Variants in CPPED1 observed in about 807,000 individuals in gnomAD.
CPPED1 encodes calcineurin like phosphoesterase domain containing 1, also known as serine/threonine-protein phosphatase CPPED1.
Under a neutral mutation model 28.0 loss-of-function variants are expected in CPPED1, and 28 were observed. That is an observed-to-expected ratio of 1.00 (90% CI 0.74 to 1.37). CPPED1 has a LOEUF of 1.37. Ranked by LOEUF, CPPED1 falls within the 40% of genes most tolerant of loss-of-function variation. The probability of loss-of-function intolerance (pLI) is 0.00; values close to 1 mark genes in which losing one functional copy is unlikely to be tolerated. For missense variants in CPPED1, 504 were observed against 416.5 expected (o/e 1.21, Z -1.83); for synonymous variants, 198 against 180.2 (o/e 1.10, Z -0.79).
At chr16:12,714,435 C>T (rs2080096519) in intron 2 of CPPED1, among the ~76,000 whole-genome samples, 1 of 152,230 alleles carries the variant, frequency 6.6e-6, no homozygotes, top group South Asian at 2.1e-4. Context: ...AATGTTTCCA[C>T]ATCCTCAACA....
chr16:12,753,940 A>C (rs1003226617), intron 2 of CPPED1: 5 of 152,160 alleles, frequency 3.3e-5, no homozygotes, highest in African/African-American at 1.2e-4. Flanking sequence ...CTGGGTAATG[A>C]ATGGCAGCTC....
rs1481714653 is a variant in CPPED1 at position 12,704,899 on chromosome 16, C to T, written c.440G>A (p.Gly147Glu). 6.2e-7 allele frequency: 1 copy of T among 1,614,170 alleles called. No individual in the cohort carries two copies. Among genetic ancestry groups the T allele is most frequent in the Admixed American group, 1.7e-5 (1 of 60,020 alleles). ...ETVEEFCRTW[G>E]DDYFSFWVGG... ...GACCCAGAAGCTGAAGTAGTCATCT[C>T]CCCAAGTCCGGCAGAACTCCTCGAC... The change falls in exon 3 of 4, where the codon GGA becomes GAA. Residue 147 changes from glycine (G) to glutamate (E), a missense_variant. Transcript: ENST00000381774.
chr16:12,702,863 C>T (rs117812223), intron 3 of CPPED1, among the ~76,000 whole-genome samples: 5,057 of 151,824 alleles, frequency 0.033, 127 homozygotes, highest in East Asian at 0.1. Context: ...AATACAAAAA[C>T]TAGCTGGACA....
At chr16:12,719,107 G>C (rs1360045483) in intron 2 of CPPED1, among the ~76,000 whole-genome samples, 1 of 152,034 alleles carries the variant, frequency 6.6e-6, no homozygotes, top group Non-Finnish European at 1.5e-5. Context: ...AAAACCATCA[G>C]ATCTCCTGAG....
At chr16:12,705,177 G>T (rs1205159837) in intron 2 of CPPED1, 128 bp from the exon 3 acceptor site, 2 of 1,024,472 alleles carry the variant, frequency 2.0e-6, no homozygotes, top group African/African-American at 3.2e-5. Context: ...CTAGCACATG[G>T]AAACTGCAAA....
chr16:12,783,860 T>A (rs2141240457), intron 1 of CPPED1, among the ~76,000 whole-genome samples: 1 of 152,330 alleles, frequency 6.6e-6, no homozygotes, highest in African/African-American at 2.4e-5. Context: ...AAAGGCTGCA[T>A]GAAACCCTGG....
chr16:12,780,418 C>T (rs1297169497), intron 2 of CPPED1, among the ~76,000 whole-genome samples: 2 of 152,164 alleles, frequency 1.3e-5, no homozygotes, highest in East Asian at 1.9e-4. Context: ...TCAAGTGATC[C>T]GCCCACCTCA....
intron 3 of CPPED1, among the ~76,000 whole-genome samples, chr16:12,676,091 C>G (rs1009891134): frequency 1.6e-4 from 24 of 152,206 alleles, no homozygotes; most frequent in Non-Finnish European, 7.3e-5. Context: ...TTGGGGAATT[C>G]TAGATTCCAG....
At chr16:12,735,593 C>T (rs995148932) in intron 2 of CPPED1, among the ~76,000 whole-genome samples, 7 of 152,184 alleles carry the variant, frequency 4.6e-5, no homozygotes, top group South Asian at 2.1e-4. Flanking sequence ...CACGAGCCAC[C>T]GTGCCTGGCA....
intron 2 of CPPED1, among the ~76,000 whole-genome samples, chr16:12,779,853 C>G (rs1596482401): frequency 6.6e-6 from 1 of 152,136 alleles, no homozygotes. Context: ...TAGCCCCAGA[C>G]AGACACCCAC....
At chr16:12,755,337 A>G (rs1162153424) in intron 2 of CPPED1, among the ~76,000 whole-genome samples, 1 of 140,456 alleles carries the variant, frequency 7.1e-6, no homozygotes, top group Non-Finnish European at 1.5e-5. Context: ...GCTGCAGTTC[A>G]GTGGCACGAT....
chr16:12,701,529 T>C (rs1488459689), intron 3 of CPPED1, among the ~76,000 whole-genome samples: 4 of 151,984 alleles, frequency 2.6e-5, no homozygotes, highest in Non-Finnish European at 5.9e-5. Flanking sequence ...AGAGTGAGAA[T>C]GTCTCAGCAA....
At chr16:12,752,627 T>C (rs2080337199) in intron 2 of CPPED1, among the ~76,000 whole-genome samples, 2 of 147,506 alleles carry the variant, frequency 1.4e-5, no homozygotes, top group Admixed American at 1.4e-4. Context: ...TATATTTATA[T>C]TATATATTAT....
intron 2 of CPPED1, among the ~76,000 whole-genome samples, chr16:12,756,614 C>T (rs889734890): frequency 6.6e-6 from 1 of 151,680 alleles, no homozygotes; most frequent in Non-Finnish European, 1.5e-5. Context: ...GGCTGAGGCA[C>T]GAGAATCACT....
In CPPED1 at chr16:12,664,844, A is replaced by G; in HGVS notation, c.*42T>C. 6.2e-7 allele frequency: 1 copy of G among 1,606,550 alleles called. No individual in the cohort carries two copies. Among genetic ancestry groups the G allele is most frequent in the South Asian group, 1.1e-5 (1 of 89,596 alleles). ...CAGCTGCTGTTTCTGGCAAAATAAA[A>G]AAATAGTGCAAGTGAAAAGTGAACG... On this transcript the variant is annotated 3_prime_UTR_variant, in exon 4 of 4. Transcript: ENST00000381774. The surrounding 1 kb of genome is among the most constrained non-coding windows in gnomAD (Gnocchi z 4.2).
At chr16:12,719,963 T>C (rs888481745) in intron 2 of CPPED1, among the ~76,000 whole-genome samples, 7 of 152,056 alleles carry the variant, frequency 4.6e-5, no homozygotes, top group South Asian at 2.1e-4. Flanking sequence ...TAAACACCTA[T>C]ATAAATACGT....
chr16:12,770,905 G>C (rs915267541), intron 2 of CPPED1, among the ~76,000 whole-genome samples: 1 of 150,942 alleles, frequency 6.6e-6, no homozygotes, highest in Non-Finnish European at 1.5e-5. Flanking sequence ...GGCGGGGCGG[G>C]GCTGGGAAAG....
At chr16:12,732,146 C>CAA (rs774620319) in intron 2 of CPPED1, among the ~76,000 whole-genome samples, 6 of 115,542 alleles carry the variant, frequency 5.2e-5, no homozygotes, top group African/African-American at 1.9e-4. Context: ...TGAAACCCGT[C>CAA]AAAAAAAAAA....
At chr16:12,671,168 C>T (rs2079851041) in intron 3 of CPPED1, among the ~76,000 whole-genome samples, 1 of 152,140 alleles carries the variant, frequency 6.6e-6, no homozygotes, top group Non-Finnish European at 1.5e-5. Flanking sequence ...TAAAAGTATA[C>T]TTATCCCCTG....
Sources: allele counts gnomAD v4.1 joint callset (sites outside exome capture counted in the v4.1 genomes callset), GRCh38; gene constraint gnomAD v4.1.1; non-coding constraint Gnocchi (gnomAD v3.1); transcripts MANE v1.5; gene names NCBI Gene and HGNC (gene_info 2026-07-23, HGNC 2026-07-21).